The following UBXN8 variants were observed in gnomAD, a reference collection of about 807,000 sequenced individuals.
UBXN8 encodes UBX domain protein 8.
A neutral mutation model predicts 32.1 loss-of-function variants in UBXN8; 27 were observed. The observed-to-expected ratio is 0.84, with a 90% confidence interval of 0.62 to 1.16. The LOEUF (loss-of-function observed/expected upper bound fraction) is 1.16, where lower values mean the gene tolerates loss of function less well. Among genes scored for constraint, UBXN8 ranks in the 50% most tolerant of loss-of-function variants. The probability of loss-of-function intolerance (pLI) is 0.00; values close to 1 mark genes in which losing one functional copy is unlikely to be tolerated. For synonymous variants in UBXN8, 109 were observed against 111.8 expected (o/e 0.98, Z 0.16); for missense variants, 306 against 311.4 (o/e 0.98, Z 0.13).
At chr8:30,750,129 C>T (rs931143827) in intron 1 of UBXN8, among the ~76,000 whole-genome samples, 1 of 152,098 alleles carries the variant, frequency 6.6e-6, no homozygotes, top group Admixed American at 6.6e-5. Context: ...AGTAAACCCT[C>T]TGTATCCCTG....
intron 5 of UBXN8, among the ~76,000 whole-genome samples, chr8:30,757,355 G>A (rs1250954224): frequency 6.6e-6 from 1 of 151,834 alleles, no homozygotes; most frequent in Non-Finnish European, 1.5e-5. Context: ...TTCAAGACCA[G>A]CCTGGCCAAC....
chr8:30,766,376 G>A lies in UBXN8; in HGVS notation c.795G>A (p.Glu265=). ...TGGACACTGTACTCATCCTGGAGGA[G>A]AAGGAGCAGACCAACTAGGAAAGAA... The part of the protein sequence containing the change: ...ITVDTVLILE[E]KEQTN The change falls in exon 8 of 8, where the codon GAG becomes GAA. Residue 265 remains glutamate (E), a synonymous_variant. Coordinates refer to ENST00000265616, the MANE Select transcript of UBXN8 (RefSeq NM_005671.4). The A allele has an allele frequency of 6.2e-7, 1 of 1,607,210 alleles. No homozygotes were observed. Among genetic ancestry groups the A allele is most frequent in the Non-Finnish European group, 8.5e-7 (1 of 1,176,174 alleles).
chr8:30,732,432 G>A (rs1056540101), upstream of UBXN8: 24 of 385,802 alleles, frequency 6.2e-5, no homozygotes, highest in South Asian at 1.6e-3. Flanking sequence ...AAGAAAGCAG[G>A]TCATTTGTAA....
intron 6 of UBXN8, among the ~76,000 whole-genome samples, chr8:30,762,769 TG>T (rs1805869321): frequency 6.6e-6 from 1 of 152,200 alleles, no homozygotes; most frequent in South Asian, 2.1e-4. Flanking sequence ...ATGCCTAATA[TG>T]ATACCCACAT....
At chr8:30,739,444 TGAGG>T (rs1805149003), upstream of UBXN8, among the ~76,000 whole-genome samples, 1 of 152,064 alleles carries the variant, frequency 6.6e-6, no homozygotes, top group South Asian at 2.1e-4. Flanking sequence ...CTCGGGAGGC[TGAGG>T]AAGGAGAACG....
chr8:30,744,213 C>G lies in UBXN8; in HGVS notation c.24C>G (p.Gly8=). The G allele has an allele frequency of 6.2e-7, 1 of 1,613,738 alleles. No homozygotes were observed. The highest frequency in any genetic ancestry group is 1.1e-5 in the South Asian group (1 of 90,962). The change falls in exon 1 of 8, where the codon GGC becomes GGG. Residue 8 remains glycine (G), a synonymous_variant. Coordinates refer to ENST00000265616, the MANE Select transcript of UBXN8 (RefSeq NM_005671.4). The part of the protein sequence containing the change: MASRGVV[G]IFFLSAVPLV... ...CCATGGCTTCACGTGGGGTTGTTGG[C>G]ATTTTCTTCCTCTCTGCTGTCCCCC...
intron 6 of UBXN8, 147 bp from the exon 7 acceptor site, chr8:30,763,126 G>GT (rs1347240816): frequency 3.4e-5 from 26 of 756,190 alleles, no homozygotes; most frequent in Middle Eastern, 3.9e-4. Context: ...GATTACAGGC[G>GT]TGAGCCACCA....
intron 1 of UBXN8, chr8:30,744,528 G>T (rs1216730266): frequency 1.9e-6 from 1 of 527,614 alleles, no homozygotes; most frequent in Non-Finnish European, 3.4e-6. Flanking sequence ...CAGTGCTTTC[G>T]CATCCTGGCG....
rs140580250 is a variant in UBXN8 at position 30,761,001 on chromosome 8, C to T, written c.570+72C>T. On this transcript the variant is annotated intron_variant, in intron 6 of 7. Coordinates refer to ENST00000265616, the MANE Select transcript of UBXN8 (RefSeq NM_005671.4). ...TTTGCTTAACATCCATTAAATATGT[C>T]TTATCTAAACTTGGGTTTAGAAAGA... The T allele has an allele frequency of 2.5e-5, 27 of 1,079,062 alleles. No individual in the cohort carries two copies. In the East Asian group the frequency reaches 6.2e-4, roughly 25 times the overall value. 66.8% of individuals were successfully genotyped at this position (1,079,062 alleles called of 1,614,324 possible). A position where few individuals can be genotyped will look rare whatever the true frequency, so the allele number is the denominator to read the frequency against.
rs1478099368 is a variant in UBXN8 at position 30,766,619 on chromosome 8, A to G, written c.*225A>G. ...TGTACCAAATGAGAATGAGGTTGAA[A>G]TGTATGCAGTAAGGTACTCAGTAAT... On this transcript the variant is annotated 3_prime_UTR_variant, in exon 8 of 8. Coordinates refer to ENST00000265616, the MANE Select transcript of UBXN8 (RefSeq NM_005671.4). The G allele has an allele frequency of 3.4e-6, 1 of 293,128 alleles. No homozygotes were observed. The highest frequency in any genetic ancestry group is 6.3e-6 in the Non-Finnish European group (1 of 159,972). 18.2% of individuals were successfully genotyped at this position (293,128 alleles called of 1,614,324 possible). A position where few individuals can be genotyped will look rare whatever the true frequency, so the allele number is the denominator to read the frequency against.
At chr8:30,744,113 G>T, upstream of UBXN8, 3 of 1,425,260 alleles carry the variant, frequency 2.1e-6, no homozygotes, top group South Asian at 1.2e-5. Flanking sequence ...CCCGCGGCAA[G>T]AAGAGTTCCA....
At chr8:30,744,130 TC>T (rs1415461219), upstream of UBXN8, 36 of 1,544,958 alleles carry the variant, frequency 2.3e-5, no homozygotes, top group Non-Finnish European at 3.2e-5. Context: ...TCCACTTCCT[TC>T]CCGGAAAACG....
Position 30,756,777 on chromosome 8 carries a change from A to G in UBXN8, c.418A>G (p.Thr140Ala), listed in dbSNP as rs1449800050. The change falls in exon 5 of 8, where the codon ACA becomes GCA. Residue 140 changes from threonine to alanine, a missense_variant. Thr to Ala is a moderately conservative substitution (Grantham distance 58). Coordinates refer to ENST00000265616, the MANE Select transcript of UBXN8 (RefSeq NM_005671.4). ...TGTGTTTGACCAGGGTGATGAAGGT[A>G]CAAGTCAGACATCTTTTGAAACATC... ...SGHKLGGDEGTSQTSFETSNR... is the reference protein window; with the variant it reads ...SGHKLGGDEGASQTSFETSNR... The G allele has an allele frequency of 4.3e-6, 7 of 1,614,066 alleles. No individual in the cohort carries two copies.
rs555583428 is a variant in UBXN8 at position 30,747,355 on chromosome 8, C to T, written c.88+3078C>T. On this transcript the variant is annotated intron_variant, in intron 1 of 7. Transcript: ENST00000265616. ...AGACAGAGTCTTACTCTGTTGCCCA[C>T]GCAGGAGTGCAGTGGCACAATCTCT... Among the ~76,000 whole-genome samples the T allele has an allele frequency of 1.3e-4, 14 of 111,824 alleles. 1 individual carries two copies. Among genetic ancestry groups the T allele is most frequent in the African/African-American group, 3.5e-4 (10 of 28,380 alleles). 73.4% of individuals were successfully genotyped at this position (111,824 alleles called of 152,430 possible).
At chr8:30,749,979 T>G (rs2128753975) in intron 1 of UBXN8, among the ~76,000 whole-genome samples, 1 of 152,336 alleles carries the variant, frequency 6.6e-6, no homozygotes, top group East Asian at 1.9e-4. Context: ...TATACATTAC[T>G]GATATTCATA....
At chr8:30,742,377 G>T (rs957466648), upstream of UBXN8, among the ~76,000 whole-genome samples, 5 of 152,202 alleles carry the variant, frequency 3.3e-5, no homozygotes, top group African/African-American at 9.6e-5. Context: ...TAGAGACAGG[G>T]TCTCACTATA....
At chr8:30,743,475 C>T (rs113585006), upstream of UBXN8, among the ~76,000 whole-genome samples, 1,298 of 152,206 alleles carry the variant, frequency 8.5e-3, 17 homozygotes, top group African/African-American at 0.029. Context: ...TTTCCAAGTA[C>T]GAAATGTTGT....
At chr8:30,746,722 G>A (rs368468651) in intron 1 of UBXN8, among the ~76,000 whole-genome samples, 1 of 137,612 alleles carries the variant, frequency 7.3e-6, no homozygotes, top group Non-Finnish European at 1.6e-5. Flanking sequence ...GCGGGGTTTC[G>A]GTATGTTGTG....
upstream of UBXN8, among the ~76,000 whole-genome samples, chr8:30,740,151 C>T (rs1219628589): frequency 6.6e-6 from 1 of 151,954 alleles, no homozygotes. Context: ...CTCAGCCTCC[C>T]AAAGTGCTGG....
Sources: allele counts gnomAD v4.1 joint callset (sites outside exome capture counted in the v4.1 genomes callset), GRCh38; gene constraint gnomAD v4.1.1; transcripts MANE v1.5; gene names NCBI Gene and HGNC (gene_info 2026-07-23, HGNC 2026-07-21).